PDE6G: variants seen among roughly 807,000 people sequenced by gnomAD.
PDE6G encodes the protein rod cGMP 3',5'-cyclic phosphodiesterase subunit gamma.
Under a neutral mutation model 10.9 loss-of-function variants are expected in PDE6G, and 10 were observed. That is an observed-to-expected ratio of 0.91 (90% CI 0.56 to 1.55). The LOEUF (loss-of-function observed/expected upper bound fraction) is 1.55. PDE6G is among the 40% of genes most tolerant of loss of function. The probability of loss-of-function intolerance (pLI) is 0.00; values close to 1 mark genes in which losing one functional copy is unlikely to be tolerated. For synonymous variants in PDE6G, 41 were observed against 42.8 expected (o/e 0.96, Z 0.16); for missense variants, 102 against 110.1 (o/e 0.93, Z 0.33).
At position 81,653,424 on chromosome 17, in the gene PDE6G, TCTCAA is replaced by T. The variant is rs2036398781; in HGVS notation, c.-59-65_-59-61del. The T allele has an allele frequency of 8.3e-7, 1 of 1,207,840 alleles. No homozygotes were observed. Among genetic ancestry groups the T allele is most frequent in the African/African-American group, 1.5e-5 (1 of 66,374 alleles). The allele number at this position is 1,207,840 out of a possible 1,614,324, so 74.8% of individuals were successfully genotyped here. On this transcript the variant is annotated intron_variant, in intron 1 of 3. Transcript: ENST00000331056. This position sits in a 1 kb window ranked among gnomAD's most constrained non-coding sequence, Gnocchi z 5.2. ...CTCCTGCTTCCAACCCTTGTGGGGGTCTCAACCCACCGGTGGAGGGGCTGAGACCC... is the reference window on the plus strand; with the variant it reads ...CTCCTGCTTCCAACCCTTGTGGGGGTCCCACCGGTGGAGGGGCTGAGACCC...
Position 81,651,552 on chromosome 17 carries a change from G to T in PDE6G, c.187+93C>A. 1 of 1,154,100 alleles carries T rather than the reference G, an allele frequency of 8.7e-7. No homozygotes were observed. The highest frequency in any genetic ancestry group is 1.3e-6 in the Non-Finnish European group (1 of 764,586). 71.5% of individuals were successfully genotyped at this position (1,154,100 alleles called of 1,614,324 possible). On this transcript the variant is annotated intron_variant, in intron 3 of 3. Coordinates refer to ENST00000331056, the MANE Select transcript of PDE6G (RefSeq NM_002602.4). This position sits in a 1 kb window ranked among gnomAD's most constrained non-coding sequence, Gnocchi z 4.8. Reference sequence around the variant, plus strand: ...CCCTAAGTGAAAAGCAGGGGAGGTGGGGGCCGAGGTGGGCTGCAATGGGCC... The same window carrying T: ...CCCTAAGTGAAAAGCAGGGGAGGTGTGGGCCGAGGTGGGCTGCAATGGGCC...
At chr17:81,659,550 G>A (rs1319934463), upstream of PDE6G, among the ~76,000 whole-genome samples, 1 of 151,938 alleles carries the variant, frequency 6.6e-6, no homozygotes, top group Non-Finnish European at 1.5e-5. Flanking sequence ...AGTGAGCTGA[G>A]ATGGCGCCAC....
At chr17:81,657,079 A>G (rs1179015565), upstream of PDE6G, 1 of 175,376 alleles carries the variant, frequency 5.7e-6, no homozygotes, top group Non-Finnish European at 1.2e-5. Context: ...GCCAGCCCAG[A>G]GAAGGAAATG....
At chr17:81,662,954 C>T (rs1052023342) in intron 1 of PDE6G, 2 of 152,224 alleles carry the variant, frequency 1.3e-5, no homozygotes, top group Admixed American at 6.5e-5. Flanking sequence ...ACTAAGCAGT[C>T]CGCGGACTTG....
chr17:81,657,609 G>T (rs2036463410), upstream of PDE6G, among the ~76,000 whole-genome samples: 1 of 152,138 alleles, frequency 6.6e-6, no homozygotes, highest in African/African-American at 2.4e-5. Context: ...GGCCTGGTGT[G>T]GTGGCTCATG....
chr17:81,656,636 G>T (rs66656434), upstream of PDE6G: 33 of 709,120 alleles, frequency 4.7e-5, no homozygotes, highest in Non-Finnish European at 7.7e-5. Context: ...GGCCCCGAGG[G>T]GGGGCACAAC....
upstream of PDE6G, among the ~76,000 whole-genome samples, chr17:81,660,739 G>A (rs866504168): frequency 6.6e-5 from 10 of 152,116 alleles, no homozygotes; most frequent in African/African-American, 1.9e-4. Context: ...TGATCCGCCC[G>A]TCTCAGACTC....
At chr17:81,658,579 G>GT (rs1376163410), upstream of PDE6G, among the ~76,000 whole-genome samples, 133 of 151,750 alleles carry the variant, frequency 8.8e-4, 1 homozygote, top group African/African-American at 3.0e-3. Context: ...GGTGGCTCAC[G>GT]CCTGTAATCT....
In PDE6G at chr17:81,651,644, C is replaced by A. The variant is rs1598717056; in HGVS notation, c.187+1G>T. 1.2e-6 allele frequency: 2 copies of A among 1,613,944 alleles called. No individual in the cohort carries two copies. Among genetic ancestry groups the A allele is most frequent in the Non-Finnish European group, 1.7e-6 (2 of 1,179,894 alleles). On this transcript the variant is annotated splice_donor_variant, in intron 3 of 3. Transcript: ENST00000331056. LOFTEE classifies it high-confidence loss of function. This position sits in a 1 kb window ranked among gnomAD's most constrained non-coding sequence, Gnocchi z 4.8. The stretch of plus-strand genomic sequence containing the variant: ...CGGGTTGGTACTGGCAGCCGTCATA[C>A]CTGTTCCCAGGCCTTCCATTCCAGG...
In PDE6G at chr17:81,651,537, A is replaced by G. The variant is rs2036355047; in HGVS notation, c.187+108T>C. On this transcript the variant is annotated intron_variant, in intron 3 of 3. Coordinates refer to ENST00000331056, the MANE Select transcript of PDE6G (RefSeq NM_002602.4). The surrounding 1 kb of genome is among the most constrained non-coding windows in gnomAD (Gnocchi z 4.8). ...GGACAGGCTGGGGGTCCCTAAGTGAAAAGCAGGGGAGGTGGGGGCCGAGGT... is the reference window on the plus strand; with the variant it reads ...GGACAGGCTGGGGGTCCCTAAGTGAGAAGCAGGGGAGGTGGGGGCCGAGGT... The G allele has an allele frequency of 3.1e-6, 3 of 973,294 alleles. No homozygotes were observed. The highest frequency in any genetic ancestry group is 4.9e-6 in the Non-Finnish European group (3 of 606,382). The allele number at this position is 973,294 out of a possible 1,614,324, so 60.3% of individuals were successfully genotyped here.
rs1241496302 is a variant in PDE6G, at chr17:81,651,195, A to G, written c.188-45T>C. 1 of 1,412,372 alleles carries G rather than the reference A, an allele frequency of 7.1e-7. No individual in the cohort carries two copies. Among genetic ancestry groups the G allele is most frequent in the Non-Finnish European group, 1.0e-6 (1 of 997,208 alleles). 87.5% of individuals were successfully genotyped at this position (1,412,372 alleles called of 1,614,324 possible). On this transcript the variant is annotated intron_variant, in intron 3 of 3. Coordinates refer to ENST00000331056, the MANE Select transcript of PDE6G (RefSeq NM_002602.4). This position sits in a 1 kb window ranked among gnomAD's most constrained non-coding sequence, Gnocchi z 4.8. Reference sequence around the variant, plus strand: ...CGGATCAGAGAGGATCCCACGGCCTAGGGACCCCCCCATCCCCTGTGGCCC... The same window carrying G: ...CGGATCAGAGAGGATCCCACGGCCTGGGGACCCCCCCATCCCCTGTGGCCC...
upstream of PDE6G, among the ~76,000 whole-genome samples, chr17:81,658,685 A>G (rs1483185431): frequency 6.6e-6 from 1 of 151,890 alleles, no homozygotes; most frequent in East Asian, 1.9e-4. Context: ...TACTAAAAAT[A>G]CAAAAATTAG....
intron 1 of PDE6G, among the ~76,000 whole-genome samples, chr17:81,654,832 CCACCTCCTGGGTT>C (rs1234488014): frequency 6.6e-6 from 1 of 151,936 alleles, no homozygotes; most frequent in East Asian, 1.9e-4. Context: ...ACTGCAAGCT[CCACCTCCTGGGTT>C]CACGTCATTC....
Position 81,651,260 on chromosome 17 carries a change from G to T in PDE6G, c.188-110C>A. 1 of 790,636 alleles carries T rather than the reference G, an allele frequency of 1.3e-6. No homozygotes were observed. Among genetic ancestry groups the T allele is most frequent in the African/African-American group, 1.7e-5 (1 of 59,096 alleles). 49.0% of individuals were successfully genotyped at this position (790,636 alleles called of 1,614,324 possible). ...CAGGTGTAGCCCTACAGTGTGCTGA[G>T]CGGGGACGTGCGGACGCTGGAGTGG... On this transcript the variant is annotated intron_variant, in intron 3 of 3. Coordinates refer to ENST00000331056, the MANE Select transcript of PDE6G (RefSeq NM_002602.4). This position sits in a 1 kb window ranked among gnomAD's most constrained non-coding sequence, Gnocchi z 4.8.
intron 1 of PDE6G, among the ~76,000 whole-genome samples, chr17:81,655,836 A>G (rs1433056460): frequency 6.6e-6 from 1 of 151,744 alleles, no homozygotes; most frequent in Admixed American, 6.6e-5. Context: ...CAGGCGTGAG[A>G]GTGATCAGAA....
At chr17:81,658,374 G>A (rs868312416), upstream of PDE6G, among the ~76,000 whole-genome samples, 14 of 149,816 alleles carry the variant, frequency 9.3e-5, no homozygotes, top group Middle Eastern at 7.4e-3. Flanking sequence ...GTGAGCCACC[G>A]TGCCTGGCCA....
chr17:81,650,767 G>A lies in PDE6G; in HGVS notation c.*307C>T, dbSNP rs961803154. ...GGGTCCAGCAGGCTCCCGGGCTGGG[G>A]TCCACTTCCCGTTCTCCCTGGGAGT... On this transcript the variant is annotated 3_prime_UTR_variant, in exon 4 of 4. Coordinates refer to ENST00000331056, the MANE Select transcript of PDE6G (RefSeq NM_002602.4). 14 of 497,928 alleles carry A rather than the reference G, an allele frequency of 2.8e-5. No individual in the cohort carries two copies. Among genetic ancestry groups the A allele is most frequent in the Admixed American group, 6.9e-5 (3 of 43,496 alleles). 30.8% of individuals were successfully genotyped at this position (497,928 alleles called of 1,614,324 possible). A position where few individuals can be genotyped will look rare whatever the true frequency, so the allele number is the denominator to read the frequency against.
At position 81,651,214 on chromosome 17, in the gene PDE6G, G is replaced by T; in HGVS notation, c.188-64C>A. The T allele has an allele frequency of 8.0e-7, 1 of 1,244,444 alleles. No individual in the cohort carries two copies. The highest frequency in any genetic ancestry group is 1.2e-6 in the Non-Finnish European group (1 of 847,250). The allele number at this position is 1,244,444 out of a possible 1,614,324, so 77.1% of individuals were successfully genotyped here. The stretch of plus-strand genomic sequence containing the variant: ...CGGCCTAGGGACCCCCCCATCCCCT[G>T]TGGCCCTGTTTCCCACAGCCCAGGT... On this transcript the variant is annotated intron_variant, in intron 3 of 3. Transcript: ENST00000331056. This position sits in a 1 kb window ranked among gnomAD's most constrained non-coding sequence, Gnocchi z 4.8.
Position 81,653,723 on chromosome 17 carries a change from TG to T in PDE6G, c.-59-360del, listed in dbSNP as rs1336636867. The T allele has an allele frequency of 4.6e-6, 1 of 216,120 alleles. No individual in the cohort carries two copies. The highest frequency in any genetic ancestry group is 2.3e-5 in the African/African-American group (1 of 44,134). The allele number at this position is 216,120 out of a possible 1,614,324, so 13.4% of individuals were successfully genotyped here. ...TCACCACCTCCCTGTGGGTGACCAC[TG>T]ACAACTTCCTGCCCCTTCCCCTGCG... On this transcript the variant is annotated intron_variant, in intron 1 of 3. Transcript: ENST00000331056. The surrounding 1 kb of genome is among the most constrained non-coding windows in gnomAD (Gnocchi z 5.2).
Sources: gnomAD v4.1 joint callset for allele counts (sites outside exome capture counted in the v4.1 genomes callset) on GRCh38, gnomAD v4.1.1 for gene constraint, Gnocchi (gnomAD v3.1) non-coding constraint, MANE v1.5 for transcripts, NCBI Gene and HGNC (gene_info 2026-07-23, HGNC 2026-07-21) for gene names.